The following STAU1 variants were observed in gnomAD, a reference collection of about 807,000 sequenced individuals.
The protein encoded by STAU1 is double-stranded RNA-binding protein Staufen homolog 1.
In STAU1, 13 loss-of-function variants were observed where a neutral mutation model predicts 62.9. The ratio of observed to expected loss-of-function variants is 0.21; its 90% CI spans 0.13 to 0.33. The LOEUF is 0.33. Among genes scored for constraint, STAU1 ranks in the 10% least tolerant of loss-of-function variants. The pLI is 1.00. For missense variants in STAU1, 571 were observed against 712.1 expected (o/e 0.80, Z 2.25); for synonymous variants, 269 against 265.1 (o/e 1.01, Z -0.14).
chr20:49,137,568 C>T lies in STAU1; in HGVS notation c.511-1637G>A, dbSNP rs193202827. The stretch of plus-strand genomic sequence containing the variant: ...GAGATTAGAACTATCTGAAAAGGAA[C>T]CCATGGCTGAAACTGCTAAATAGGC... On this transcript the variant is annotated intron_variant, in intron 5 of 13. Coordinates refer to ENST00000371856, the MANE Select transcript of STAU1 (RefSeq NM_017453.4). Among the ~76,000 whole-genome samples the T allele has an allele frequency of 2.8e-3, 432 of 152,312 alleles. 4 individuals are homozygous for T. The highest frequency in any genetic ancestry group is 7.3e-3 in the Admixed American group (111 of 15,302).
intron 1 of STAU1, among the ~76,000 whole-genome samples, chr20:49,183,967 T>C (rs1210492372): frequency 6.6e-6 from 1 of 151,738 alleles, no homozygotes; most frequent in Non-Finnish European, 1.5e-5. Flanking sequence ...TTTGCTCTTG[T>C]TGCCCCGGCT....
intron 1 of STAU1, among the ~76,000 whole-genome samples, chr20:49,180,592 G>A (rs535271843): frequency 2.0e-5 from 3 of 152,168 alleles, no homozygotes; most frequent in Non-Finnish European, 2.9e-5. Flanking sequence ...CCAAAGTGAC[G>A]GAATTACAGG....
the STAU1 span, among the ~76,000 whole-genome samples, chr20:49,216,007 C>CAAAAAAAAAAAAAAAAAAAAAAA: frequency 3.8e-4 from 14 of 36,446 alleles, no homozygotes; most frequent in Non-Finnish European, 6.2e-4. Flanking sequence ...GACTATGTCT[C>CAAAAAAAAAAAAAAAAAAAAAAA]AAAAAAAAAA....
chr20:49,205,627 G>A, the STAU1 span, among the ~76,000 whole-genome samples: 2 of 150,478 alleles, frequency 1.3e-5, no homozygotes, highest in African/African-American at 4.9e-5. Flanking sequence ...GCCTCCCAAA[G>A]TGCTGGGATT....
At chr20:49,141,355 G>A (rs563269955) in intron 5 of STAU1, among the ~76,000 whole-genome samples, 1 of 152,308 alleles carries the variant, frequency 6.6e-6, no homozygotes, top group Admixed American at 6.5e-5. Flanking sequence ...TCTGGAGGCT[G>A]AGATGGATGG....
At chr20:49,126,515 C>T (rs546329224) in intron 6 of STAU1, among the ~76,000 whole-genome samples, 182 of 136,794 alleles carry the variant, frequency 1.3e-3, no homozygotes, top group Non-Finnish European at 2.3e-3. Flanking sequence ...CTACAGGGAG[C>T]TATGATCACA....
chr20:49,126,577 A>AAAAAAAAAAAAAAAAAAAAC (rs1555837188), intron 6 of STAU1, among the ~76,000 whole-genome samples: 1 of 35,042 alleles, frequency 2.9e-5, no homozygotes, highest in Non-Finnish European at 5.4e-5. Flanking sequence ...CAAAAAGCAA[A>AAAAAAAAAAAAAAAAAAAAC]AAAAAAAAAA....
At chr20:49,126,893 T>C (rs928497564) in intron 6 of STAU1, among the ~76,000 whole-genome samples, 2 of 151,922 alleles carry the variant, frequency 1.3e-5, no homozygotes, top group Non-Finnish European at 2.9e-5. Flanking sequence ...AATCAAACCA[T>C]GATCTCTAAC....
chr20:49,175,815 GAGA>G (rs1327784195), intron 1 of STAU1, among the ~76,000 whole-genome samples: 5 of 14,224 alleles, frequency 3.5e-4, no homozygotes, highest in Non-Finnish European at 5.3e-4. Flanking sequence ...TTTTTTTTTT[GAGA>G]CGGAGTCTCG....
At chr20:49,206,324 T>C in the STAU1 span, among the ~76,000 whole-genome samples, 1 of 151,604 alleles carries the variant, frequency 6.6e-6, no homozygotes, top group Non-Finnish European at 1.5e-5. Context: ...AAGTAATGTG[T>C]GTCCATAGTT....
chr20:49,204,618 A>ATGTGTG, the STAU1 span, among the ~76,000 whole-genome samples: 9 of 45,528 alleles, frequency 2.0e-4, no homozygotes, highest in African/African-American at 6.1e-4. Flanking sequence ...ATATATATAT[A>ATGTGTG]TATATGTGTA....
chr20:49,128,619 A>AG (rs2092683590), intron 6 of STAU1, among the ~76,000 whole-genome samples: 1 of 152,014 alleles, frequency 6.6e-6, no homozygotes, highest in Admixed American at 6.6e-5. Context: ...TGAAGAGGGG[A>AG]GGTGCAAAGG....
At chr20:49,195,903 A>AAAAAG in the STAU1 span, among the ~76,000 whole-genome samples, 1 of 94,396 alleles carries the variant, frequency 1.1e-5, no homozygotes, top group Non-Finnish European at 2.3e-5. Context: ...CCTCTCAAAA[A>AAAAAG]AAAAAAAAAA....
At position 49,114,126 on chromosome 20, in the gene STAU1, A is replaced by G. The variant is rs1429474067; in HGVS notation, c.*752T>C. 6.6e-6 allele frequency: 1 copy of G among 152,646 alleles called. No homozygotes were observed. The highest frequency in any genetic ancestry group is 1.5e-5 in the Non-Finnish European group (1 of 68,046). 9.5% of individuals were successfully genotyped at this position (152,646 alleles called of 1,614,324 possible). A position where few individuals can be genotyped will look rare whatever the true frequency, so the allele number is the denominator to read the frequency against. ...ACTGTCCTGGGTTAGTCAATGAAATAAAAATGTCTAACCACATACACATGG... is the reference window on the plus strand; with the variant it reads ...ACTGTCCTGGGTTAGTCAATGAAATGAAAATGTCTAACCACATACACATGG... On this transcript the variant is annotated 3_prime_UTR_variant, in exon 14 of 14. Transcript: ENST00000371856.
At chr20:49,129,567 C>A (rs1377016287) in intron 6 of STAU1, among the ~76,000 whole-genome samples, 1 of 151,174 alleles carries the variant, frequency 6.6e-6, no homozygotes, top group Non-Finnish European at 1.5e-5. Context: ...GCAACTAAGC[C>A]TCTCTCATAT....
chr20:49,193,812 C>T, the STAU1 span, among the ~76,000 whole-genome samples: 1 of 151,586 alleles, frequency 6.6e-6, no homozygotes, highest in Admixed American at 6.6e-5. Flanking sequence ...ACTAAAAAAT[C>T]CAAAAACTTA....
the STAU1 span, among the ~76,000 whole-genome samples, chr20:49,203,406 G>C: frequency 6.6e-6 from 1 of 152,068 alleles, no homozygotes; most frequent in Non-Finnish European, 1.5e-5. Context: ...GAAACCAAAA[G>C]TGATCTCTTT....
chr20:49,115,945 G>C (rs753147519), intron 12 of STAU1, 78 bp from the exon 13 acceptor site: 1 of 1,240,372 alleles, frequency 8.1e-7, no homozygotes, highest in African/African-American at 1.5e-5. Flanking sequence ...AGGCAGGCAA[G>C]AGAGTTCCTG....
the STAU1 span, among the ~76,000 whole-genome samples, chr20:49,213,295 A>G: frequency 6.6e-6 from 1 of 151,972 alleles, no homozygotes; most frequent in African/African-American, 2.4e-5. Context: ...CCGTGGCGCA[A>G]TCTTGGCTCA....
Sources: allele counts gnomAD v4.1 joint callset (sites outside exome capture counted in the v4.1 genomes callset), GRCh38; gene constraint gnomAD v4.1.1; transcripts MANE v1.5; gene names NCBI Gene and HGNC (gene_info 2026-07-23, HGNC 2026-07-21).